EDNRA: variants seen among roughly 807,000 people sequenced by gnomAD.
EDNRA encodes endothelin receptor type A.
In EDNRA, 11 loss-of-function variants were observed where a neutral mutation model predicts 41.4. The ratio of observed to expected loss-of-function variants is 0.27; its 90% CI spans 0.17 to 0.44. The LOEUF (loss-of-function observed/expected upper bound fraction) is 0.44. EDNRA is among the 20% of genes least tolerant of loss of function. The pLI, the probability that EDNRA is intolerant of heterozygous loss-of-function variation, is 1.00. For missense variants in EDNRA, 294 were observed against 531.0 expected, an observed-to-expected ratio of 0.55 and a Z score of 4.39; for synonymous variants, 172 against 183.0, an observed-to-expected ratio of 0.94 and a Z score of 0.49.
intron 4 of EDNRA, among the ~76,000 whole-genome samples, chr4:147,535,611 A>G (rs932249844): frequency 3.3e-5 from 5 of 152,214 alleles, no homozygotes; most frequent in African/African-American, 4.8e-5. Context: ...GAAACCTTCA[A>G]TCTATGAAAA....
chr4:147,531,152 A>G (rs1481678299), intron 3 of EDNRA, among the ~76,000 whole-genome samples: 1 of 152,238 alleles, frequency 6.6e-6, no homozygotes, highest in Non-Finnish European at 1.5e-5. Flanking sequence ...TAGGGTGAGC[A>G]TAATTTCTTA....
At chr4:147,493,586 T>C (rs964216730) in intron 2 of EDNRA, 4 of 152,200 alleles carry the variant, frequency 2.6e-5, no homozygotes, top group African/African-American at 9.7e-5. Context: ...CCACATTCTC[T>C]TGGGAGTTAG....
rs116561675 is a variant in EDNRA at position 147,504,391 on chromosome 4, A to G, written c.421-15460A>G. Among the ~76,000 whole-genome samples the G allele has an allele frequency of 6.2e-3, 951 of 152,338 alleles. 8 individuals are homozygous for G. The highest frequency in any genetic ancestry group is 0.022 in the African/African-American group (897 of 41,576). On this transcript the variant is annotated intron_variant, in intron 2 of 7. Coordinates refer to ENST00000651419, the MANE Select transcript of EDNRA (RefSeq NM_001957.4). ...ATTGGCCGTTACGAATTACTAGTTT[A>G]CCAATTATAAGGATCTTCTCAATGT...
At chr4:147,525,521 C>T (rs1385344531) in intron 3 of EDNRA, among the ~76,000 whole-genome samples, 5 of 151,126 alleles carry the variant, frequency 3.3e-5, no homozygotes, top group African/African-American at 9.8e-5. Flanking sequence ...CCAGCCATTA[C>T]CAGCTATTAA....
In EDNRA at chr4:147,512,886, A is replaced by G. The variant is rs534296168; in HGVS notation, c.421-6965A>G. 2.0e-5 allele frequency among the ~76,000 whole-genome samples: 3 copies of G among 152,256 alleles called. No individual in the cohort carries two copies. The East Asian group carries it at 5.8e-4, about 29-fold the overall frequency. ...CACCCTGCACCTGGTGACCTGGACC[A>G]TGGGTGACCATAACCATGAACCATC... is the stretch of plus-strand genomic sequence containing the variant. On this transcript the variant is annotated intron_variant, in intron 2 of 7. Transcript: ENST00000651419.
rs146952619 is a variant in EDNRA, at chr4:147,522,404, G to T, written c.548+2426G>T. Reference sequence around the variant, plus strand: ...AATACAAAAATTAGCCAGGCATGCTGGTAGGCATCTATAGTCCCAGCTGCT... The same window carrying T: ...AATACAAAAATTAGCCAGGCATGCTTGTAGGCATCTATAGTCCCAGCTGCT... On this transcript the variant is annotated intron_variant, in intron 3 of 7. Transcript: ENST00000651419. Among the ~76,000 whole-genome samples the T allele has an allele frequency of 3.9e-3, 589 of 152,224 alleles. 5 individuals carry two copies. Among genetic ancestry groups the T allele is most frequent in the Non-Finnish European group, 5.5e-3 (376 of 68,016 alleles).
Position 147,535,938 on chromosome 4 carries a change from G to T in EDNRA, c.809G>T (p.Cys270Phe). 6.2e-7 allele frequency: 1 copy of T among 1,613,444 alleles called. No individual in the cohort carries two copies. Among genetic ancestry groups the T allele is most frequent in the Non-Finnish European group, 8.5e-7 (1 of 1,179,858 alleles). Residue 270 changes from cysteine to phenylalanine, a missense_variant, in exon 5 of 8, where the codon TGC (cysteine) becomes TTC (phenylalanine). Around this residue, in one of 3 missense-constraint regions of EDNRA, gnomAD observed 185 missense variants for 390.8 expected, o/e 0.47. Transcript: ENST00000651419. The stretch of plus-strand genomic sequence containing the variant: ...TTCTATTTCTGTATGCCCTTGGTGT[G>T]CACTGCGATCTTCTACACCCTCATG... ...FGFYFCMPLV[C>F]TAIFYTLMTC...
chr4:147,512,787 C>T (rs147517117), intron 2 of EDNRA, among the ~76,000 whole-genome samples: 1 of 152,314 alleles, frequency 6.6e-6, no homozygotes, highest in Non-Finnish European at 1.5e-5. Flanking sequence ...GGGAAGATTG[C>T]TTAGAGCTTC....
intron 2 of EDNRA, among the ~76,000 whole-genome samples, chr4:147,497,285 C>A (rs545401436): frequency 6.6e-6 from 1 of 151,208 alleles, no homozygotes; most frequent in Non-Finnish European, 1.5e-5. Flanking sequence ...GCATGAGCCA[C>A]CATGCCTGGC....
chr4:147,521,714 AC>A (rs2126451943), intron 3 of EDNRA, among the ~76,000 whole-genome samples: 2 of 152,358 alleles, frequency 1.3e-5, no homozygotes, highest in East Asian at 3.9e-4. Flanking sequence ...TCATCAAGTT[AC>A]ATTTCTTTCA....
At chr4:147,525,592 AG>A (rs1178474090) in intron 3 of EDNRA, among the ~76,000 whole-genome samples, 4 of 128,272 alleles carry the variant, frequency 3.1e-5, no homozygotes, top group Admixed American at 7.2e-5. Context: ...GTTTGTTTGG[AG>A]GCAAAAAAAA....
intron 2 of EDNRA, chr4:147,506,245 C>T (rs142521327): frequency 3.5e-5 from 18 of 507,496 alleles, no homozygotes; most frequent in African/African-American, 3.5e-4. Context: ...AAAGCAGCTT[C>T]AGTCAGTGCT....
rs1396747635 is a variant in EDNRA at position 147,535,933 on chromosome 4, G to A, written c.804G>A (p.Leu268=). 4.3e-6 allele frequency: 7 copies of A among 1,612,828 alleles called. No homozygotes were observed. In the Admixed American group the frequency reaches 6.7e-5, roughly 15 times the overall value. Residue 268 remains leucine, a synonymous_variant, in exon 5 of 8, where the codon TTG becomes TTA. Transcript: ENST00000651419. ...TCGGGTTCTATTTCTGTATGCCCTT[G>A]GTGTGCACTGCGATCTTCTACACCC... ...WLFGFYFCMP[L]VCTAIFYTLM...
At chr4:147,499,059 T>C (rs905522441) in intron 2 of EDNRA, among the ~76,000 whole-genome samples, 1 of 152,124 alleles carries the variant, frequency 6.6e-6, no homozygotes, top group Non-Finnish European at 1.5e-5. Context: ...TTCTTTTTCT[T>C]TTTCTTCTTT....
At chr4:147,542,394 T>C in intron 7 of EDNRA, 84 bp from the exon 8 acceptor site, 2 of 1,570,902 alleles carry the variant, frequency 1.3e-6, no homozygotes, top group Non-Finnish European at 1.7e-6. Context: ...CATTTGCCCC[T>C]CATTAGCATG....
At chr4:147,540,543 A>T in intron 7 of EDNRA, 58 bp downstream of exon 7, 2 of 1,202,268 alleles carry the variant, frequency 1.7e-6, no homozygotes, top group Non-Finnish European at 2.4e-6. Flanking sequence ...TTAAACAGTC[A>T]ACAGACACAG....
chr4:147,536,075 C>CT lies in EDNRA; in HGVS notation c.900+48dup, dbSNP rs751855085. ...AAAATCTGGCCAGGACTGGTTAGTCCTTGACAGCAGCAGGCCTGCAAATAC... is the reference window on the plus strand; with the variant it reads ...AAAATCTGGCCAGGACTGGTTAGTCCTTTGACAGCAGCAGGCCTGCAAATAC... On this transcript the variant is annotated intron_variant, in intron 5 of 7. Transcript: ENST00000651419. 4.4e-6 allele frequency: 7 copies of CT among 1,606,664 alleles called. No individual in the cohort carries two copies. The Admixed American group carries it at 1.2e-4, about 27-fold the overall frequency.
At chr4:147,532,151 A>T (rs1276050979) in intron 3 of EDNRA, among the ~76,000 whole-genome samples, 4 of 66,612 alleles carry the variant, frequency 6.0e-5, no homozygotes, top group African/African-American at 4.9e-4. Flanking sequence ...TCTCTACTAA[A>T]AAAAAAAAAA....
intron 3 of EDNRA, among the ~76,000 whole-genome samples, chr4:147,523,465 T>TTTTTGTTTGTTTG (rs1560910595): frequency 1.1e-4 from 16 of 139,374 alleles, no homozygotes; most frequent in African/African-American, 3.2e-4. Context: ...GTGTTTGTTT[T>TTTTTGTTTGTTTG]TTTTTGTTGT....
Sources: gnomAD v4.1 joint callset for allele counts (sites outside exome capture counted in the v4.1 genomes callset) on GRCh38, gnomAD v4.1.1 for gene constraint, gnomAD v4.1.1 regional missense constraint, MANE v1.5 for transcripts, NCBI Gene and HGNC (gene_info 2026-07-23, HGNC 2026-07-21) for gene names.